CD8B: variants seen among roughly 807,000 people sequenced by gnomAD.
CD8B encodes the protein T-cell surface glycoprotein CD8 beta chain.
CD8B carries 6 observed loss-of-function variants against 24.2 expected under a neutral mutation model. That is an observed-to-expected ratio of 0.25 (90% CI 0.14 to 0.49). The LOEUF is 0.49. Ranked by LOEUF, CD8B falls within the 20% of genes least tolerant of loss-of-function variation. The probability of loss-of-function intolerance (pLI) is 0.98; values close to 1 mark genes in which losing one functional copy is unlikely to be tolerated. For missense variants in CD8B, 196 were observed against 271.3 expected (o/e 0.72, Z 1.95); for synonymous variants, 84 against 108.3 (o/e 0.78, Z 1.39).
chr2:86,815,450 G>C, downstream of CD8B: 1 of 624,614 alleles, frequency 1.6e-6, no homozygotes, highest in Non-Finnish European at 2.9e-6. Flanking sequence ...AAGGATGGGG[G>C]CCACAGCTCA....
intron 2 of CD8B, among the ~76,000 whole-genome samples, chr2:86,854,546 A>G (rs2104572918): frequency 6.6e-6 from 1 of 152,246 alleles, no homozygotes; most frequent in South Asian, 2.1e-4. Context: ...TGACTCCTGG[A>G]TGGGTCACCC....
chr2:86,861,179 G>C (rs542372270), intron 1 of CD8B, among the ~76,000 whole-genome samples: 1 of 152,194 alleles, frequency 6.6e-6, no homozygotes, highest in South Asian at 2.1e-4. Context: ...GTGTGTGGAG[G>C]CTTCTTCCAA....
chr2:86,834,117 A>G (rs1675070563), downstream of CD8B, among the ~76,000 whole-genome samples: 1 of 152,120 alleles, frequency 6.6e-6, no homozygotes, highest in Non-Finnish European at 1.5e-5. Context: ...TTCTGATGCA[A>G]TGATGCTTCT....
intron 2 of CD8B, among the ~76,000 whole-genome samples, chr2:86,856,407 C>A (rs887891113): frequency 6.6e-6 from 1 of 152,166 alleles, no homozygotes; most frequent in African/African-American, 2.4e-5. Context: ...CTCCCAAAGT[C>A]CATTTTTCAA....
intron 3 of CD8B, among the ~76,000 whole-genome samples, chr2:86,850,230 C>T (rs969454172): frequency 6.6e-6 from 1 of 152,174 alleles, no homozygotes; most frequent in Non-Finnish European, 1.5e-5. Context: ...GCCAGAGCCA[C>T]ACCAACGACA....
intron 5 of CD8B, among the ~76,000 whole-genome samples, chr2:86,826,775 A>C (rs1674707349): frequency 6.6e-6 from 1 of 151,560 alleles, no homozygotes. Flanking sequence ...TACAGTGGGC[A>C]CTGGAATTGG....
rs529609845 is a variant in CD8B at position 86,842,128 on chromosome 2, G to T, written c.*179C>A. ...CTCCCTAGTATTCCCGATGACCCAC[G>T]AACAAGTTGCTCCCATGCACATCAC... On this transcript the variant is annotated 3_prime_UTR_variant, in exon 6 of 6. Coordinates refer to ENST00000390655, the MANE Select transcript of CD8B (RefSeq NM_004931.5). 60 of 1,436,160 alleles carry T rather than the reference G, an allele frequency of 4.2e-5. No homozygotes were observed. The highest frequency in any genetic ancestry group is 5.5e-5 in the Non-Finnish European group (60 of 1,092,090). The allele number at this position is 1,436,160 out of a possible 1,614,324, so 89.0% of individuals were successfully genotyped here. A position where few individuals can be genotyped will look rare whatever the true frequency, so the allele number is the denominator to read the frequency against.
chr2:86,820,173 T>C (rs181046265), intron 5 of CD8B, among the ~76,000 whole-genome samples: 1 of 152,322 alleles, frequency 6.6e-6, no homozygotes, highest in Admixed American at 6.5e-5. Context: ...ATTGTTGAAA[T>C]GACAACAGAA....
At chr2:86,857,961 G>T (rs1156522947) in intron 2 of CD8B, 96 bp downstream of exon 2, 3 of 1,279,074 alleles carry the variant, frequency 2.3e-6, no homozygotes, top group Admixed American at 1.8e-5. Flanking sequence ...AGTCACGGCT[G>T]CAGAGTGGGG....
chr2:86,822,333 T>C (rs1480740708), intron 5 of CD8B: 1 of 1,582,782 alleles, frequency 6.3e-7, no homozygotes, highest in Admixed American at 1.7e-5. Context: ...GTATATTCAG[T>C]AGTCCATTCT....
intron 5 of CD8B, among the ~76,000 whole-genome samples, chr2:86,824,403 C>T (rs1165184267): frequency 2.0e-5 from 3 of 152,142 alleles, no homozygotes; most frequent in African/African-American, 7.2e-5. Context: ...TTGTGCTGGA[C>T]ATGCAACAGG....
chr2:86,819,515 A>G (rs961987588), intron 5 of CD8B, among the ~76,000 whole-genome samples: 1 of 152,208 alleles, frequency 6.6e-6, no homozygotes, highest in Admixed American at 6.5e-5. Context: ...ATACTCTGTA[A>G]ATGGAATAGC....
At position 86,815,984 on chromosome 2, in the gene CD8B, G is replaced by A. The variant is rs76292970; in HGVS notation, c.621-266C>T. ...TCAGAAAGAGGAAACCACACACAGA[G>A]AATTACCTGCTCAGTTATTCCCCAA... On this transcript the variant is annotated intron_variant, in intron 5 of 5. Coordinates refer to the CD8B transcript ENST00000331469. 5.1e-3 allele frequency among the ~76,000 whole-genome samples: 779 copies of A among 152,318 alleles called. 4 individuals carry two copies. Among genetic ancestry groups the A allele is most frequent in the African/African-American group, 0.017 (725 of 41,566 alleles).
At chr2:86,815,653 G>A in exon 6 of CD8B, 1 of 1,613,602 alleles carries the variant, frequency 6.2e-7, no homozygotes, top group Non-Finnish European at 8.5e-7. Context: ...TGAGGTTGTA[G>A]TATTGCTGTA....
chr2:86,849,651 A>G lies in CD8B; in HGVS notation c.494-2878T>C, dbSNP rs190846414. Among the ~76,000 whole-genome samples, 1,051 of 151,364 alleles carry G rather than the reference A, an allele frequency of 6.9e-3. 15 individuals carry two copies. Among genetic ancestry groups the G allele is most frequent in the African/African-American group, 0.024 (1,006 of 41,226 alleles). ...ATTTACCCAAAATCATTGAATTTGTATGCTTAAAATGGGTGAACTTTGCGG... is the reference window on the plus strand; with the variant it reads ...ATTTACCCAAAATCATTGAATTTGTGTGCTTAAAATGGGTGAACTTTGCGG... On this transcript the variant is annotated intron_variant, in intron 3 of 5. Transcript: ENST00000390655.
Position 86,838,403 on chromosome 2 carries a change from G to A in CD8B, c.*3904C>T, listed in dbSNP as rs540394516. Among the ~76,000 whole-genome samples the A allele has an allele frequency of 6.6e-6, 1 of 151,990 alleles. No homozygotes were observed. Among genetic ancestry groups the A allele is most frequent in the South Asian group, 2.1e-4 (1 of 4,810 alleles). ...AATCTGCAGAACAATATTAGAAGAT[G>A]TAATTTTCTATATTCTCTATTTTAT... On this transcript the variant is annotated 3_prime_UTR_variant, in exon 6 of 6. Transcript: ENST00000390655.
intron 1 of CD8B, among the ~76,000 whole-genome samples, chr2:86,859,229 C>A (rs1441163893): frequency 6.6e-6 from 1 of 152,034 alleles, no homozygotes; most frequent in Non-Finnish European, 1.5e-5. Flanking sequence ...CCGAGCCCAG[C>A]AACTGATGGG....
chr2:86,842,764 G>A (rs1675494623), intron 5 of CD8B, among the ~76,000 whole-genome samples: 1 of 152,186 alleles, frequency 6.6e-6, no homozygotes, highest in African/African-American at 2.4e-5. Context: ...TGGTTTTCAA[G>A]CTTTTTTGAA....
chr2:86,847,597 G>A (rs1203690885), intron 3 of CD8B, among the ~76,000 whole-genome samples: 1 of 152,084 alleles, frequency 6.6e-6, no homozygotes, highest in Non-Finnish European at 1.5e-5. Context: ...ACACAGTCTC[G>A]CTCTGTCGCC....
Sources: allele counts gnomAD v4.1 joint callset (sites outside exome capture counted in the v4.1 genomes callset), GRCh38; gene constraint gnomAD v4.1.1; transcripts MANE v1.5; gene names NCBI Gene and HGNC (gene_info 2026-07-23, HGNC 2026-07-21).